Variants in NCKAP5 observed in about 807,000 individuals in gnomAD.
NCKAP5 encodes nck-associated protein 5.
In NCKAP5, 92 loss-of-function variants were observed where a neutral mutation model predicts 167.0. The ratio of observed to expected loss-of-function variants is 0.55; its 90% CI spans 0.47 to 0.66. The LOEUF (loss-of-function observed/expected upper bound fraction) is 0.66, where lower values mean the gene tolerates loss of function less well. Among genes scored for constraint, NCKAP5 ranks in the 30% least tolerant of loss-of-function variants. NCKAP5 has a pLI of 0.00. For synonymous variants in NCKAP5, 891 were observed against 877.4 expected, an observed-to-expected ratio of 1.02 and a Z score of -0.27; for missense variants, 2,378 against 2,315.0, an observed-to-expected ratio of 1.03 and a Z score of -0.56.
intron 2 of NCKAP5, among the ~76,000 whole-genome samples, chr2:133,546,965 A>AC (rs770345028): frequency 3.3e-5 from 5 of 152,152 alleles, no homozygotes; most frequent in Admixed American, 6.5e-5. Flanking sequence ...CATCTGAGGT[A>AC]CCGGGTTTAT....
chr2:133,546,048 C>A (rs760902173), intron 2 of NCKAP5, among the ~76,000 whole-genome samples: 3 of 152,106 alleles, frequency 2.0e-5, no homozygotes, highest in African/African-American at 4.8e-5. Flanking sequence ...ACCAGAAATG[C>A]TGAAACACAA....
chr2:133,471,631 G>C (rs1679328394), intron 3 of NCKAP5, among the ~76,000 whole-genome samples: 1 of 152,114 alleles, frequency 6.6e-6, no homozygotes, highest in Non-Finnish European at 1.5e-5. Flanking sequence ...CCTGATAATT[G>C]CTTTCCAGGA....
chr2:133,471,039 C>A (rs889765340), intron 3 of NCKAP5, among the ~76,000 whole-genome samples: 1 of 152,210 alleles, frequency 6.6e-6, no homozygotes, highest in Non-Finnish European at 1.5e-5. Context: ...CTCCTCCCCC[C>A]CTGCTTTTGC....
chr2:133,132,480 A>C (rs1240002367), intron 5 of NCKAP5, among the ~76,000 whole-genome samples: 1 of 94,548 alleles, frequency 1.1e-5, no homozygotes, highest in Non-Finnish European at 2.1e-5. Context: ...TGAAAAAAAA[A>C]GCACACACAC....
At chr2:133,394,034 G>A (rs1008868637) in intron 3 of NCKAP5, among the ~76,000 whole-genome samples, 4 of 152,140 alleles carry the variant, frequency 2.6e-5, no homozygotes, top group Non-Finnish European at 5.9e-5. Flanking sequence ...CCCTATACTG[G>A]CATTCAACAC....
intron 11 of NCKAP5, among the ~76,000 whole-genome samples, chr2:132,835,859 C>G (rs1574372988): frequency 2.6e-5 from 4 of 152,158 alleles, no homozygotes; most frequent in African/African-American, 9.7e-5. Context: ...CCTTGGGGGC[C>G]TACCTTCTAC....
intron 2 of NCKAP5, among the ~76,000 whole-genome samples, chr2:133,551,426 C>T (rs1687283780): frequency 9.1e-6 from 1 of 109,668 alleles, no homozygotes; most frequent in Non-Finnish European, 1.8e-5. Context: ...ACAGAGCCCT[C>T]AGAAATAACG....
At chr2:132,886,262 C>G (rs1311916751) in intron 8 of NCKAP5, among the ~76,000 whole-genome samples, 1 of 152,196 alleles carries the variant, frequency 6.6e-6, no homozygotes, top group Non-Finnish European at 1.5e-5. Flanking sequence ...AACTATTTTA[C>G]CACATTTGCT....
intron 11 of NCKAP5, among the ~76,000 whole-genome samples, chr2:132,804,323 T>TA: frequency 6.6e-6 from 1 of 152,200 alleles, no homozygotes; most frequent in Non-Finnish European, 1.5e-5. Flanking sequence ...TTCTGGGATC[T>TA]AAGAGACACA....
At chr2:132,903,280 G>A (rs1574576667) in intron 8 of NCKAP5, among the ~76,000 whole-genome samples, 2 of 152,336 alleles carry the variant, frequency 1.3e-5, no homozygotes, top group East Asian at 3.9e-4. Context: ...CAATAGCCTT[G>A]TTTGGCTAAA....
At chr2:133,414,633 T>C (rs917495369) in intron 3 of NCKAP5, among the ~76,000 whole-genome samples, 2 of 152,192 alleles carry the variant, frequency 1.3e-5, no homozygotes, top group African/African-American at 4.8e-5. Flanking sequence ...GTCTGCTCAA[T>C]ATATGGTCCA....
the NCKAP5 span, among the ~76,000 whole-genome samples, chr2:133,611,363 C>A: frequency 3.3e-5 from 5 of 152,004 alleles, no homozygotes; most frequent in African/African-American, 1.2e-4. Context: ...ACGGTGATAC[C>A]CAGAGTACAG....
chr2:133,382,707 C>G (rs1417890330), intron 3 of NCKAP5, among the ~76,000 whole-genome samples: 1 of 152,174 alleles, frequency 6.6e-6, no homozygotes, highest in Non-Finnish European at 1.5e-5. Context: ...TTTACTCTCT[C>G]ATGAATAAGC....
intron 3 of NCKAP5, among the ~76,000 whole-genome samples, chr2:133,442,240 T>C (rs1400769164): frequency 6.6e-6 from 1 of 152,236 alleles, no homozygotes; most frequent in African/African-American, 2.4e-5. Flanking sequence ...GGAGGAAATA[T>C]AGAGTGGTAG....
intron 5 of NCKAP5, among the ~76,000 whole-genome samples, chr2:133,180,679 T>A (rs774345452): frequency 1.3e-5 from 2 of 152,034 alleles, no homozygotes; most frequent in African/African-American, 2.4e-5. Flanking sequence ...ACAGAAATGA[T>A]AAAGAAGTAA....
chr2:133,246,618 G>A (rs555515360), intron 4 of NCKAP5, among the ~76,000 whole-genome samples: 1 of 152,240 alleles, frequency 6.6e-6, no homozygotes, highest in South Asian at 2.1e-4. Context: ...AAATAGCATT[G>A]TTTCTTGAAA....
chr2:132,986,249 T>G (rs1329645637), intron 7 of NCKAP5, among the ~76,000 whole-genome samples: 1 of 152,218 alleles, frequency 6.6e-6, no homozygotes, highest in Non-Finnish European at 1.5e-5. Flanking sequence ...GACTTTGGGC[T>G]GTGAACTTCA....
chr2:133,212,019 T>G (rs981882654), intron 5 of NCKAP5, among the ~76,000 whole-genome samples: 6 of 152,210 alleles, frequency 3.9e-5, no homozygotes, highest in African/African-American at 1.4e-4. Flanking sequence ...TAAATGAAAT[T>G]TAGTTATTAC....
intron 3 of NCKAP5, among the ~76,000 whole-genome samples, chr2:133,338,654 C>T (rs1051878702): frequency 1.3e-5 from 2 of 152,026 alleles, no homozygotes; most frequent in South Asian, 4.2e-4. Context: ...TGTTTTAGTC[C>T]GAAAAGATTT....
Sources: allele counts gnomAD v4.1 joint callset (sites outside exome capture counted in the v4.1 genomes callset), GRCh38; gene constraint gnomAD v4.1.1; transcripts MANE v1.5; gene names NCBI Gene and HGNC (gene_info 2026-07-23, HGNC 2026-07-21).